The following TCF25 variants were observed in gnomAD, a reference collection of about 807,000 sequenced individuals.
The protein encoded by TCF25 is TCF25 ribosome quality control complex subunit, also known as ribosome quality control complex subunit TCF25.
A neutral mutation model predicts 83.1 loss-of-function variants in TCF25; 41 were observed. The ratio of observed to expected loss-of-function variants is 0.49; its 90% CI spans 0.38 to 0.64. The LOEUF (loss-of-function observed/expected upper bound fraction) is 0.64. TCF25 is among the 30% of genes least tolerant of loss of function. The pLI is 0.00. For synonymous variants in TCF25, 458 were observed against 365.0 expected, an observed-to-expected ratio of 1.25 and a Z score of -2.90; for missense variants, 979 against 914.5, an observed-to-expected ratio of 1.07 and a Z score of -0.91.
chr16:89,878,434 A>ATTTTTTTTTT, intron 1 of TCF25: 3 of 1,005,706 alleles, frequency 3.0e-6, no homozygotes, highest in Non-Finnish European at 3.7e-6. Flanking sequence ...AAAAATCACC[A>ATTTTTTTTTT]TTTTTTTTTT....
rs111490899 is a variant in TCF25 at position 89,906,612 on chromosome 16, G to A, written c.1719+328G>A. Among the ~76,000 whole-genome samples the A allele has an allele frequency of 1.8e-4, 28 of 152,332 alleles. 1 individual carries two copies. Among genetic ancestry groups the A allele is most frequent in the African/African-American group, 3.6e-4 (15 of 41,570 alleles). On this transcript the variant is annotated intron_variant, in intron 15 of 17. Transcript: ENST00000263346. ...TAGTCGTGGGGTGTAGTCCTGCTCTGACGCCTCCTGTGCTGGAGGTGCCGT... is the reference window on the plus strand; with the variant it reads ...TAGTCGTGGGGTGTAGTCCTGCTCTAACGCCTCCTGTGCTGGAGGTGCCGT...
chr16:89,885,769 A>G lies in TCF25; in HGVS notation c.430-79A>G, dbSNP rs924519315. ...AATACAGTGTAATAGGTCTCTTTTA[A>G]GATAAATAATTTTGTTATTGTTACA... On this transcript the variant is annotated intron_variant, in intron 3 of 17. Transcript: ENST00000263346. 4 of 1,228,342 alleles carry G rather than the reference A, an allele frequency of 3.3e-6. No individual in the cohort carries two copies. The African/African-American group carries it at 6.0e-5, about 18-fold the overall frequency. 76.1% of individuals were successfully genotyped at this position (1,228,342 alleles called of 1,614,324 possible).
chr16:89,907,487 GCTCCCACCTCCCTC>G (rs2044955869), intron 16 of TCF25, among the ~76,000 whole-genome samples, 165 bp downstream of exon 16: 4 of 11,204 alleles, frequency 3.6e-4, no homozygotes, highest in African/African-American at 8.7e-4. Flanking sequence ...CCACCTCCCA[GCTCCCACCTCCCTC>G]CTCCCACCTC....
At chr16:89,907,132 C>T in intron 15 of TCF25, 111 bp from the exon 16 acceptor site, 2 of 1,080,010 alleles carry the variant, frequency 1.9e-6, no homozygotes, top group Non-Finnish European at 2.8e-6. Flanking sequence ...GTGGCTATCT[C>T]TCAGCAGATG....
chr16:89,903,683 T>C (rs2044535269), intron 12 of TCF25, among the ~76,000 whole-genome samples: 1 of 152,130 alleles, frequency 6.6e-6, no homozygotes. Flanking sequence ...AGTGTGCGCC[T>C]GTGATCCCAG....
At chr16:89,908,660 AGCTCCCACCTCCCT>A (rs2045254757) in intron 16 of TCF25, among the ~76,000 whole-genome samples, 2 of 51,082 alleles carry the variant, frequency 3.9e-5, no homozygotes, top group Non-Finnish European at 7.1e-5. Flanking sequence ...CCCACCTCCC[AGCTCCCACCTCCCT>A]CCTCCCAGCT....
At chr16:89,894,768 C>G (rs1055056637) in intron 7 of TCF25, among the ~76,000 whole-genome samples, 2 of 152,146 alleles carry the variant, frequency 1.3e-5, no homozygotes, top group South Asian at 4.2e-4. Context: ...CCTCAGCCTT[C>G]CGAGTAACTG....
chr16:89,883,731 C>T (rs1346780387), intron 2 of TCF25: 7 of 551,684 alleles, frequency 1.3e-5, no homozygotes, highest in Admixed American at 9.4e-5. Context: ...GGAGAGTCTG[C>T]GCCTGCCCAG....
chr16:89,897,042 G>A (rs1017163508), intron 9 of TCF25, among the ~76,000 whole-genome samples: 3 of 143,550 alleles, frequency 2.1e-5, no homozygotes, highest in African/African-American at 8.3e-5. Context: ...AAAAAAAAAA[G>A]AAGAAGAAGA....
chr16:89,897,853 C>G (rs1273161968), intron 9 of TCF25, among the ~76,000 whole-genome samples: 2 of 152,206 alleles, frequency 1.3e-5, no homozygotes, highest in African/African-American at 4.8e-5. Context: ...TGGTGGCTCA[C>G]GCTTGTAATC....
chr16:89,885,410 T>C (rs1300992452), intron 3 of TCF25, among the ~76,000 whole-genome samples: 1 of 152,158 alleles, frequency 6.6e-6, no homozygotes, highest in Non-Finnish European at 1.5e-5. Flanking sequence ...GTCCCATGCT[T>C]ATGGGTTAAT....
At chr16:89,879,988 G>A (rs146012382) in intron 1 of TCF25, among the ~76,000 whole-genome samples, 10 of 147,800 alleles carry the variant, frequency 6.8e-5, no homozygotes, top group East Asian at 2.1e-4. Flanking sequence ...GGACTATCAC[G>A]CGTGCTGTCC....
chr16:89,886,162 T>A (rs1320245881), intron 4 of TCF25, 196 bp downstream of exon 4: 8 of 584,724 alleles, frequency 1.4e-5, no homozygotes, highest in Non-Finnish European at 2.2e-5. Flanking sequence ...GCGTGGTGGC[T>A]CACGCCTGTA....
At chr16:89,900,846 G>T (rs773640893) in intron 12 of TCF25, 52 bp downstream of exon 12, 1 of 1,469,482 alleles carries the variant, frequency 6.8e-7, no homozygotes, top group Non-Finnish European at 9.2e-7. Flanking sequence ...TGTCAGCCGT[G>T]GGGGCTGCTC....
intron 12 of TCF25, among the ~76,000 whole-genome samples, chr16:89,902,772 T>G (rs2044450257): frequency 6.6e-6 from 1 of 151,098 alleles, no homozygotes; most frequent in Non-Finnish European, 1.5e-5. Flanking sequence ...AAGACGGGCC[T>G]CCTCCGAGGG....
chr16:89,879,968 C>G (rs1025641075), intron 1 of TCF25, among the ~76,000 whole-genome samples: 1 of 150,314 alleles, frequency 6.7e-6, no homozygotes, highest in African/African-American at 2.5e-5. Context: ...TGTAAACAGT[C>G]AGGATCCCAG....
chr16:89,906,371 G>C, intron 15 of TCF25, 87 bp downstream of exon 15: 1 of 1,331,080 alleles, frequency 7.5e-7, no homozygotes, highest in Non-Finnish European at 1.1e-6. Context: ...ATGCAGGCGT[G>C]CGTGGTGCGG....
intron 1 of TCF25, among the ~76,000 whole-genome samples, chr16:89,880,943 C>T (rs1481144699): frequency 6.6e-6 from 1 of 152,232 alleles, no homozygotes; most frequent in African/African-American, 2.4e-5. Flanking sequence ...CAGAAGGAGG[C>T]ATCACCATGA....
chr16:89,902,485 C>G (rs1247022521), intron 12 of TCF25, among the ~76,000 whole-genome samples: 4 of 129,534 alleles, frequency 3.1e-5, no homozygotes, highest in East Asian at 3.1e-4. Flanking sequence ...GTCAGGAGAT[C>G]GAGACCATCC....
Sources: gnomAD v4.1 joint callset for allele counts (sites outside exome capture counted in the v4.1 genomes callset) on GRCh38, gnomAD v4.1.1 for gene constraint, MANE v1.5 for transcripts, NCBI Gene and HGNC (gene_info 2026-07-23, HGNC 2026-07-21) for gene names.